KIAA0232: variants seen among roughly 807,000 people sequenced by gnomAD.
The protein encoded by KIAA0232 is KIAA0232.
Under a neutral mutation model 122.0 loss-of-function variants are expected in KIAA0232, and 27 were observed. That is an observed-to-expected ratio of 0.22 (90% confidence interval 0.16 to 0.31). The LOEUF (loss-of-function observed/expected upper bound fraction) is 0.31. KIAA0232 is among the 10% of genes least tolerant of loss of function. KIAA0232 has a pLI of 1.00. For synonymous variants in KIAA0232, 613 were observed against 587.6 expected, an observed-to-expected ratio of 1.04 and a Z score of -0.63; for missense variants, 1,551 against 1,634.2, an observed-to-expected ratio of 0.95 and a Z score of 0.88.
At chr4:6,792,684 T>TG (rs796269253) in intron 1 of KIAA0232, among the ~76,000 whole-genome samples, 49 of 142,618 alleles carry the variant, frequency 3.4e-4, no homozygotes, top group African/African-American at 1.2e-3. Context: ...GTCTTAGGTT[T>TG]TTTTTTTTTT....
At chr4:6,833,737 C>G (rs953429658) in intron 3 of KIAA0232, among the ~76,000 whole-genome samples, 1 of 152,166 alleles carries the variant, frequency 6.6e-6, no homozygotes, top group East Asian at 1.9e-4. Context: ...TGACAAAAAC[C>G]TTTCTGGGTA....
chr4:6,823,171 T>G (rs1718503116), intron 2 of KIAA0232, among the ~76,000 whole-genome samples: 1 of 151,818 alleles, frequency 6.6e-6, no homozygotes, highest in Admixed American at 6.6e-5. Flanking sequence ...CTTAATCCAG[T>G]CTATCATTGT....
chr4:6,847,130 T>A (rs1481686792), intron 4 of KIAA0232, among the ~76,000 whole-genome samples: 3 of 152,118 alleles, frequency 2.0e-5, no homozygotes. Flanking sequence ...ATGTTATGCA[T>A]TACATGTGAG....
At chr4:6,873,860 T>C (rs1179727344) in intron 8 of KIAA0232, among the ~76,000 whole-genome samples, 3 of 152,194 alleles carry the variant, frequency 2.0e-5, no homozygotes, top group African/African-American at 7.2e-5. Flanking sequence ...CTTTAGCTTA[T>C]GTGGGTTGGG....
chr4:6,849,623 GA>G (rs1041320708), intron 4 of KIAA0232, among the ~76,000 whole-genome samples: 15 of 151,922 alleles, frequency 9.9e-5, no homozygotes, highest in African/African-American at 3.4e-4. Context: ...CTCAAACAAA[GA>G]AAAAATTAGC....
intron 7 of KIAA0232, among the ~76,000 whole-genome samples, chr4:6,869,206 AACTC>A (rs1380269940): frequency 6.6e-6 from 1 of 152,158 alleles, no homozygotes; most frequent in Non-Finnish European, 1.5e-5. Flanking sequence ...CCCCACCATG[AACTC>A]ACTCCCTTTC....
At chr4:6,871,509 T>C (rs1560210009) in intron 7 of KIAA0232, 65 bp from the exon 8 acceptor site, 1 of 910,462 alleles carries the variant, frequency 1.1e-6, no homozygotes, top group South Asian at 1.5e-5. Flanking sequence ...TTAATAATGC[T>C]TGAATATTCT....
intron 2 of KIAA0232, among the ~76,000 whole-genome samples, chr4:6,818,975 A>C (rs966897589): frequency 6.6e-6 from 1 of 152,278 alleles, no homozygotes; most frequent in African/African-American, 2.4e-5. Context: ...AAGCAACAGG[A>C]AAAGGACTCC....
Position 6,862,557 on chromosome 4 carries a change from A to G in KIAA0232, c.2175A>G (p.Glu725=), listed in dbSNP as rs1391818904. 6.2e-7 allele frequency: 1 copy of G among 1,613,654 alleles called. No homozygotes were observed. The highest frequency in any genetic ancestry group is 8.5e-7 in the Non-Finnish European group (1 of 1,179,850). The change falls in exon 7 of 10, where the codon GAA becomes GAG. Residue 725 remains glutamate (E), a synonymous_variant. Coordinates refer to ENST00000307659, the MANE Select transcript of KIAA0232 (RefSeq NM_014743.3). ...CAGAAGAAACACGTTCAGACAATGA[A>G]ACATTAAATATTCAGTTTGAAGAAT... ...SHSEETRSDN[E]TLNIQFEEST...
intron 2 of KIAA0232, among the ~76,000 whole-genome samples, chr4:6,815,483 A>T (rs1718076605): frequency 6.6e-6 from 1 of 152,186 alleles, no homozygotes; most frequent in Non-Finnish European, 1.5e-5. Flanking sequence ...TACGTGGGTC[A>T]TCTGCTAACA....
rs1286188103 is a variant in KIAA0232 at position 6,862,809 on chromosome 4, A to G, written c.2427A>G (p.Gln809=). 1.2e-6 allele frequency: 2 copies of G among 1,614,222 alleles called. No homozygotes were observed. The highest frequency in any genetic ancestry group is 1.1e-5 in the South Asian group (1 of 91,082). The change falls in exon 7 of 10, where the codon CAA becomes CAG. Residue 809 remains glutamine, a synonymous_variant. Coordinates refer to ENST00000307659, the MANE Select transcript of KIAA0232 (RefSeq NM_014743.3). Reference sequence around the variant, plus strand: ...AAAACAAAAATTTTGAAACTACACAAGTATGTAATGAAAGTCCACATGGAG... The same window carrying G: ...AAAACAAAAATTTTGAAACTACACAGGTATGTAATGAAAGTCCACATGGAG... ...KTENKNFETT[Q]VCNESPHGDG...
At chr4:6,837,385 C>A (rs912090912) in intron 3 of KIAA0232, among the ~76,000 whole-genome samples, 1 of 151,678 alleles carries the variant, frequency 6.6e-6, no homozygotes, top group African/African-American at 2.4e-5. Flanking sequence ...TCCTCACTTC[C>A]TAGACGGGAT....
chr4:6,803,308 G>A (rs1717472998), intron 1 of KIAA0232, among the ~76,000 whole-genome samples: 2 of 151,908 alleles, frequency 1.3e-5, no homozygotes, highest in South Asian at 4.1e-4. Flanking sequence ...AATATAGATT[G>A]AGAAGACAAG....
At position 6,863,963 on chromosome 4, in the gene KIAA0232, C is replaced by T. The variant is rs756626901; in HGVS notation, c.3581C>T (p.Ser1194Phe). The change falls in exon 7 of 10, where the codon TCC becomes TTC. Residue 1194 changes from serine to phenylalanine, a missense_variant. Ser to Phe is a radical substitution (Grantham distance 155). This residue lies in a region of KIAA0232 where 1,108 missense variants were observed against 1,154.8 expected (regional missense o/e 0.96). Coordinates refer to ENST00000307659, the MANE Select transcript of KIAA0232 (RefSeq NM_014743.3). ...MEKSAQTSLD[S>F]QEESTGILSV... ...AAGAGTGCTCAGACATCACTGGATTCCCAGGAGGAATCAACTGGGATTCTT... is the reference window on the plus strand; with the variant it reads ...AAGAGTGCTCAGACATCACTGGATTTCCAGGAGGAATCAACTGGGATTCTT... 1 of 1,613,912 alleles carries T rather than the reference C, an allele frequency of 6.2e-7. No individual in the cohort carries two copies.
intron 1 of KIAA0232, among the ~76,000 whole-genome samples, chr4:6,797,098 C>G (rs1717164312): frequency 6.6e-6 from 1 of 152,162 alleles, no homozygotes; most frequent in South Asian, 2.1e-4. Flanking sequence ...CTTTTTTCCT[C>G]TGTATTTTAT....
At chr4:6,830,058 T>C (rs1268271348) in intron 3 of KIAA0232, among the ~76,000 whole-genome samples, 1 of 152,232 alleles carries the variant, frequency 6.6e-6, no homozygotes, top group Non-Finnish European at 1.5e-5. Context: ...TCTGTGATGA[T>C]AACAGAAAAC....
At chr4:6,818,658 A>G (rs1001797165) in intron 2 of KIAA0232, among the ~76,000 whole-genome samples, 6 of 152,130 alleles carry the variant, frequency 3.9e-5, no homozygotes, top group African/African-American at 1.4e-4. Context: ...AGCAGTCTAC[A>G]TATTCAACAC....
chr4:6,847,136 G>T (rs1320717770), intron 4 of KIAA0232, among the ~76,000 whole-genome samples: 1 of 151,898 alleles, frequency 6.6e-6, no homozygotes, highest in East Asian at 1.9e-4. Flanking sequence ...TGCATTACAT[G>T]TGAGATGAAT....
intron 9 of KIAA0232, among the ~76,000 whole-genome samples, chr4:6,879,815 A>G (rs12642226): frequency 0.4 from 35,881 of 90,668 alleles, 11,506 homozygotes; most frequent in Non-Finnish European, 0.42. Flanking sequence ...CAACACACCC[A>G]TCTGCAGTGC....
Sources: allele counts gnomAD v4.1 joint callset (sites outside exome capture counted in the v4.1 genomes callset), GRCh38; gene constraint gnomAD v4.1.1; regional missense constraint gnomAD v4.1.1; transcripts MANE v1.5; gene names NCBI Gene and HGNC (gene_info 2026-07-23, HGNC 2026-07-21).